The following CTXND2 variants were observed in gnomAD, a reference collection of about 807,000 sequenced individuals.
CTXND2 encodes the protein cortexin domain containing 2.
At chr1:150,903,840 G>A in intron 1 of CTXND2, 1 of 500,746 alleles carries the variant, frequency 2.0e-6, no homozygotes, top group South Asian at 1.6e-5. Context: ...AGAGTGGGAT[G>A]TCCGGCTTCA....
intron 1 of CTXND2, among the ~76,000 whole-genome samples, chr1:150,891,150 C>G (rs1668844734): frequency 6.6e-6 from 1 of 152,044 alleles, no homozygotes; most frequent in East Asian, 1.9e-4. Flanking sequence ...AGAAGAATAT[C>G]AGGTTAATTC....
intron 1 of CTXND2, among the ~76,000 whole-genome samples, chr1:150,897,307 G>A (rs1571599074): frequency 1.3e-5 from 2 of 152,138 alleles, no homozygotes; most frequent in African/African-American, 4.8e-5. Context: ...AAGAAACAGA[G>A]AAGAAAATTT....
chr1:150,907,091 C>T (rs1385129884), intron 1 of CTXND2, among the ~76,000 whole-genome samples: 2 of 152,066 alleles, frequency 1.3e-5, no homozygotes, highest in African/African-American at 2.4e-5. Flanking sequence ...GAAGAAGAAG[C>T]CTGAAAAGGG....
At chr1:150,895,241 A>G (rs749647794) in intron 1 of CTXND2, among the ~76,000 whole-genome samples, 117 of 152,206 alleles carry the variant, frequency 7.7e-4, no homozygotes, top group Non-Finnish European at 1.4e-3. Context: ...AATAGACTAT[A>G]GCTAGATTGG....
In CTXND2 at chr1:150,891,135, T is replaced by C. The variant is rs587740084; in HGVS notation, c.-74+3822T>C. The stretch of plus-strand genomic sequence containing the variant: ...GACGTTTGCCCTGTAGAAACTCATA[T>C]TGATAGAAGAATATCAGGTTAATTC... On this transcript the variant is annotated intron_variant, in intron 1 of 1. Transcript: ENST00000636087. Among the ~76,000 whole-genome samples the C allele has an allele frequency of 1.1e-4, 17 of 152,338 alleles. No individual in the cohort carries two copies. The East Asian group carries it at 1.5e-3, about 14-fold the overall frequency.
intron 1 of CTXND2, among the ~76,000 whole-genome samples, chr1:150,889,325 G>A (rs1024520198): frequency 4.6e-5 from 7 of 150,950 alleles, no homozygotes; most frequent in South Asian, 2.1e-4. Flanking sequence ...GCGTGAACCC[G>A]GGAGACAGAG....
chr1:150,893,673 G>A (rs587651796), intron 1 of CTXND2, among the ~76,000 whole-genome samples: 11 of 152,094 alleles, frequency 7.2e-5, no homozygotes, highest in African/African-American at 2.4e-4. Flanking sequence ...TGCCCCGGCT[G>A]GTCTCAAACT....
intron 1 of CTXND2, among the ~76,000 whole-genome samples, chr1:150,900,318 C>T (rs746766529): frequency 4.0e-5 from 6 of 151,774 alleles, no homozygotes; most frequent in South Asian, 2.1e-4. Context: ...CGAAGGTCTG[C>T]GGCTTCACTC....
intron 1 of CTXND2, among the ~76,000 whole-genome samples, chr1:150,900,796 A>G (rs1270671906): frequency 1.3e-5 from 2 of 152,162 alleles, no homozygotes; most frequent in African/African-American, 2.4e-5. Context: ...AAGAGACAAA[A>G]TACATGAACA....
At chr1:150,889,382 A>C (rs1241187042) in intron 1 of CTXND2, among the ~76,000 whole-genome samples, 1 of 149,926 alleles carries the variant, frequency 6.7e-6, no homozygotes, top group Non-Finnish European at 1.5e-5. Flanking sequence ...CCTGGGCGAC[A>C]CAGCAAGACT....
At chr1:150,889,270 G>A (rs1366064110) in intron 1 of CTXND2, among the ~76,000 whole-genome samples, 1 of 151,618 alleles carries the variant, frequency 6.6e-6, no homozygotes, top group Admixed American at 6.6e-5. Context: ...CGTGGCAGCG[G>A]GCACCTGTAG....
chr1:150,905,728 C>T (rs1177725682), intron 1 of CTXND2, among the ~76,000 whole-genome samples: 3 of 152,026 alleles, frequency 2.0e-5, no homozygotes, highest in South Asian at 2.1e-4. Context: ...CAGTGGCTCA[C>T]GCCTGTAATC....
chr1:150,908,246 T>G (rs1279440414), intron 1 of CTXND2, among the ~76,000 whole-genome samples: 2 of 151,806 alleles, frequency 1.3e-5, no homozygotes. Flanking sequence ...AAAGTGATCC[T>G]CCACCCACCT....
intron 1 of CTXND2, chr1:150,904,044 C>A: frequency 1.5e-6 from 1 of 656,504 alleles, no homozygotes; most frequent in Non-Finnish European, 2.9e-6. Flanking sequence ...TTCTCTTACA[C>A]AGATGCCAAT....
chr1:150,892,769 C>G (rs1386718948), intron 1 of CTXND2, among the ~76,000 whole-genome samples: 1 of 152,026 alleles, frequency 6.6e-6, no homozygotes, highest in East Asian at 1.9e-4. Context: ...GAACTCCTGA[C>G]CTCAGGAGAT....
rs1182509682 is a variant in CTXND2, at chr1:150,908,153, C to CCAT, written c.-73-4086_-73-4084dup. ...AAGTAGCTGGGATTACAGGTGTGCG[C>CCAT]CATCACATCTAACTAATTTTTGTAT... On this transcript the variant is annotated intron_variant, in intron 1 of 1. Coordinates refer to ENST00000636087, the Ensembl canonical transcript of CTXND2. Among the ~76,000 whole-genome samples the CCAT allele has an allele frequency of 7.2e-5, 11 of 152,046 alleles. No homozygotes were observed. The South Asian group carries it at 2.3e-3, about 32-fold the overall frequency.
chr1:150,908,681 G>A (rs1669195428), intron 1 of CTXND2, among the ~76,000 whole-genome samples: 1 of 151,782 alleles, frequency 6.6e-6, no homozygotes, highest in Non-Finnish European at 1.5e-5. Flanking sequence ...GGAGTACAGT[G>A]GTGCGATCAT....
intron 1 of CTXND2, among the ~76,000 whole-genome samples, chr1:150,902,942 C>G (rs1013359434): frequency 6.6e-6 from 1 of 152,028 alleles, no homozygotes; most frequent in African/African-American, 2.4e-5. Flanking sequence ...CCTATTGCCT[C>G]TTTACTCTCA....
At chr1:150,908,343 A>G (rs1271575378) in intron 1 of CTXND2, among the ~76,000 whole-genome samples, 1 of 152,110 alleles carries the variant, frequency 6.6e-6, no homozygotes, top group Non-Finnish European at 1.5e-5. Flanking sequence ...GAACTTCCAG[A>G]CTGTTTTCCA....
Sources: gnomAD v4.1 joint callset for allele counts (sites outside exome capture counted in the v4.1 genomes callset) on GRCh38, gnomAD v4.1.1 for gene constraint, MANE v1.5 for transcripts, NCBI Gene and HGNC (gene_info 2026-07-23, HGNC 2026-07-21) for gene names.